The following KAT6B variants were observed in gnomAD, a reference collection of about 807,000 sequenced individuals.
The protein encoded by KAT6B is histone acetyltransferase KAT6B.
In KAT6B, 10 loss-of-function variants were observed where a neutral mutation model predicts 187.5. The observed-to-expected ratio is 0.05, with a 90% CI of 0.03 to 0.09. KAT6B has a LOEUF of 0.09. Among genes scored for constraint, KAT6B ranks in the 10% least tolerant of loss-of-function variants. The probability of loss-of-function intolerance (pLI) is 1.00; values close to 1 mark genes in which losing one functional copy is unlikely to be tolerated. For synonymous variants in KAT6B, 861 were observed against 926.8 expected (o/e 0.93, Z 1.29); for missense variants, 1,952 against 2,558.9 (o/e 0.76, Z 5.12).
intron 3 of KAT6B, among the ~76,000 whole-genome samples, chr10:74,937,981 C>G (rs1849383742): frequency 6.6e-6 from 1 of 152,128 alleles, no homozygotes; most frequent in Non-Finnish European, 1.5e-5. Flanking sequence ...AAACATACCC[C>G]AGAGTTGAAT....
At chr10:74,915,031 T>C (rs1847565282) in intron 3 of KAT6B, among the ~76,000 whole-genome samples, 1 of 152,162 alleles carries the variant, frequency 6.6e-6, no homozygotes, top group Admixed American at 6.5e-5. Context: ...GCTCAGGGAT[T>C]CAAGGTTGTA....
intron 3 of KAT6B, among the ~76,000 whole-genome samples, chr10:74,949,532 T>A (rs1840173424): frequency 6.6e-6 from 1 of 152,234 alleles, no homozygotes; most frequent in South Asian, 2.1e-4. Flanking sequence ...ATAGAATCAC[T>A]TTCCTTAATC....
At chr10:74,921,972 C>T (rs1020885415) in intron 3 of KAT6B, among the ~76,000 whole-genome samples, 1 of 152,152 alleles carries the variant, frequency 6.6e-6, no homozygotes, top group Non-Finnish European at 1.5e-5. Context: ...AGCTATGGCT[C>T]ATTATGGGGA....
chr10:74,941,033 AT>A (rs972236756), intron 3 of KAT6B, among the ~76,000 whole-genome samples: 4 of 151,980 alleles, frequency 2.6e-5, no homozygotes, highest in African/African-American at 9.7e-5. Context: ...AGGCATGTGC[AT>A]TTTTTTTAGA....
At chr10:74,826,361 G>A (rs1840215813), upstream of KAT6B, among the ~76,000 whole-genome samples, 1 of 151,956 alleles carries the variant, frequency 6.6e-6, no homozygotes, top group South Asian at 2.1e-4. Flanking sequence ...GGTATTGGCA[G>A]TGGACCCTCC....
At chr10:74,861,228 G>A (rs146539232) in intron 3 of KAT6B, among the ~76,000 whole-genome samples, 22 of 152,232 alleles carry the variant, frequency 1.4e-4, no homozygotes, top group African/African-American at 4.6e-4. Flanking sequence ...CTTGAATGCC[G>A]GAGGCCGAAG....
chr10:74,849,439 C>T (rs1262056382), intron 3 of KAT6B, among the ~76,000 whole-genome samples: 17 of 151,760 alleles, frequency 1.1e-4, no homozygotes, highest in Admixed American at 5.3e-4. Flanking sequence ...ATTACAGGCA[C>T]GCACCACCAA....
In KAT6B at chr10:75,020,652, C is replaced by A. The variant is rs1240277974; in HGVS notation, c.2700C>A (p.Leu900=). The A allele has an allele frequency of 2.5e-6, 4 of 1,614,264 alleles. No individual in the cohort carries two copies. In the South Asian group the frequency reaches 4.4e-5, roughly 18 times the overall value. The change falls in exon 14 of 18, where the codon CTC becomes CTA. Residue 900 remains leucine (L), a synonymous_variant. Transcript: ENST00000287239. ...PEKPLSDLGR[L]SYLAYWKSVI... is the part of the protein sequence containing the mutation. Reference sequence around the variant, plus strand: ...AGCCTCTCTCCGATCTGGGCCGTCTCTCCTACCTGGCATATTGGAAGAGCG... The same window carrying A: ...AGCCTCTCTCCGATCTGGGCCGTCTATCCTACCTGGCATATTGGAAGAGCG...
At chr10:74,984,376 CA>C (rs1433642439) in intron 11 of KAT6B, 4 of 152,176 alleles carry the variant, frequency 2.6e-5, no homozygotes, top group African/African-American at 9.7e-5. Flanking sequence ...AGAGTAACTA[CA>C]TTTGATCAAA....
At chr10:74,947,798 A>G (rs990628173) in intron 3 of KAT6B, among the ~76,000 whole-genome samples, 4 of 152,150 alleles carry the variant, frequency 2.6e-5, no homozygotes, top group Non-Finnish European at 5.9e-5. Context: ...CATGCCTGGT[A>G]TTTCTTCTCC....
intron 3 of KAT6B, among the ~76,000 whole-genome samples, chr10:74,849,630 CT>C (rs1564520117): frequency 6.6e-6 from 1 of 152,268 alleles, no homozygotes; most frequent in Admixed American, 6.5e-5. Context: ...ATTCTGGTTA[CT>C]TTTTTGAGCA....
chr10:74,981,306 T>TCTTCCTTC (rs558339853), intron 10 of KAT6B, among the ~76,000 whole-genome samples: 9,387 of 139,746 alleles, frequency 0.067, 493 homozygotes, highest in South Asian at 0.19. Flanking sequence ...TTTCTTTCTT[T>TCTTCCTTC]CTTCCTTCCT....
intron 13 of KAT6B, among the ~76,000 whole-genome samples, chr10:75,006,792 T>C (rs1467134086): frequency 1.3e-5 from 2 of 151,724 alleles, no homozygotes; most frequent in Non-Finnish European, 2.9e-5. Flanking sequence ...AAATAAAATG[T>C]ACGGTGGCTC....
At chr10:74,931,676 G>A (rs1044876776) in intron 3 of KAT6B, among the ~76,000 whole-genome samples, 5 of 152,162 alleles carry the variant, frequency 3.3e-5, no homozygotes, top group African/African-American at 1.2e-4. Context: ...TGGCCTTTTA[G>A]AATATGATTT....
intron 3 of KAT6B, among the ~76,000 whole-genome samples, chr10:74,887,216 C>T (rs1459094764): frequency 2.0e-5 from 3 of 152,010 alleles, no homozygotes; most frequent in South Asian, 2.1e-4. Flanking sequence ...TCTGAGACTA[C>T]AGGAGAGAGG....
At chr10:75,025,279 C>G (rs1417637625) in intron 17 of KAT6B, 30 bp downstream of exon 17, 3 of 1,610,246 alleles carry the variant, frequency 1.9e-6, no homozygotes, top group Non-Finnish European at 2.5e-6. Context: ...AAACCTTACC[C>G]TTGAGAATGT....
chr10:74,962,149 A>G (rs1438433234), intron 4 of KAT6B, among the ~76,000 whole-genome samples: 1 of 152,218 alleles, frequency 6.6e-6, no homozygotes, highest in Non-Finnish European at 1.5e-5. Context: ...CAAAAAAACT[A>G]TTGTTCCTAA....
Position 74,848,519 on chromosome 10 carries a change from G to GAACAAC in KAT6B, c.621+5058_621+5063dup, listed in dbSNP as rs369678724. ...CACTTCGTTTCAACAACAACAACAA[G>GAACAAC]AACAACAACAACAACAACAACATTT... On this transcript the variant is annotated intron_variant, in intron 3 of 17. Transcript: ENST00000287239. 2.7e-5 allele frequency among the ~76,000 whole-genome samples: 4 copies of GAACAAC among 150,650 alleles called. No homozygotes were observed. In the East Asian group the frequency reaches 7.8e-4, roughly 29 times the overall value.
At chr10:74,874,379 T>C (rs956478374) in intron 3 of KAT6B, among the ~76,000 whole-genome samples, 1 of 152,102 alleles carries the variant, frequency 6.6e-6, no homozygotes, top group African/African-American at 2.4e-5. Flanking sequence ...ATTTTTCTTT[T>C]CTTTTCTTTT....
Sources: allele counts gnomAD v4.1 joint callset (sites outside exome capture counted in the v4.1 genomes callset), GRCh38; gene constraint gnomAD v4.1.1; transcripts MANE v1.5; gene names NCBI Gene and HGNC (gene_info 2026-07-23, HGNC 2026-07-21).